The following RGS20 variants were observed in gnomAD, a reference collection of about 807,000 sequenced individuals.
RGS20 encodes the protein regulator of G protein signaling 20, also known as gz-selective GTPase-activating protein.
A neutral mutation model predicts 33.6 loss-of-function variants in RGS20; 30 were observed. The ratio of observed to expected loss-of-function variants is 0.89; its 90% CI spans 0.67 to 1.21. RGS20 has a LOEUF of 1.21. Ranked by LOEUF, RGS20 falls within the 50% of genes most tolerant of loss-of-function variation. The probability of loss-of-function intolerance (pLI) is 0.00; values close to 1 mark genes in which losing one functional copy is unlikely to be tolerated. For missense variants in RGS20, 472 were observed against 502.4 expected (o/e 0.94, Z 0.58); for synonymous variants, 208 against 197.9 (o/e 1.05, Z -0.43).
rs1346709954 is a variant in RGS20 at position 53,881,031 on chromosome 8, G to T, written c.510+1429G>T. ...CGCGGGACGCATGCGCACGGCGGAC[G>T]GAGGCGAGCCGGCCGGGGCTTCCTC... On this transcript the variant is annotated intron_variant, in intron 2 of 5. Transcript: ENST00000297313. 19 of 1,585,324 alleles carry T rather than the reference G, an allele frequency of 1.2e-5. No individual in the cohort carries two copies. The Admixed American group carries it at 2.5e-4, about 21-fold the overall frequency.
chr8:53,867,720 C>CTTCT (rs1222466219), intron 1 of RGS20, among the ~76,000 whole-genome samples: 2 of 135,070 alleles, frequency 1.5e-5, no homozygotes, highest in Non-Finnish European at 3.2e-5. Context: ...TGTTTCTTTC[C>CTTCT]TTCTTTCTTT....
intron 2 of RGS20, among the ~76,000 whole-genome samples, chr8:53,880,505 G>A (rs1485014248): frequency 6.6e-6 from 1 of 152,106 alleles, no homozygotes; most frequent in Non-Finnish European, 1.5e-5. Context: ...GAAGCTCTGG[G>A]GACCAAGCGC....
chr8:53,854,421 A>G (rs1238498620), intron 1 of RGS20, among the ~76,000 whole-genome samples: 2 of 152,208 alleles, frequency 1.3e-5, no homozygotes, highest in African/African-American at 2.4e-5. Flanking sequence ...AAAGACATGA[A>G]CAGCCATTTT....
At chr8:53,864,443 AAAAAAAAAC>A (rs1264958719) in intron 1 of RGS20, among the ~76,000 whole-genome samples, 2 of 151,880 alleles carry the variant, frequency 1.3e-5, no homozygotes, top group African/African-American at 2.4e-5. Context: ...AAAAAAAAAA[AAAAAAAAAC>A]TCAGATACTT....
At chr8:53,862,412 C>T (rs1036920533) in intron 1 of RGS20, among the ~76,000 whole-genome samples, 4 of 152,162 alleles carry the variant, frequency 2.6e-5, no homozygotes, top group African/African-American at 9.7e-5. Context: ...TCCAGCCCCT[C>T]CTCAGAAACC....
chr8:53,922,955 C>T (rs940014104), intron 2 of RGS20, among the ~76,000 whole-genome samples: 2 of 152,150 alleles, frequency 1.3e-5, no homozygotes, highest in Non-Finnish European at 2.9e-5. Context: ...GAAAATGTGC[C>T]TGGCCCTGAG....
In RGS20 at chr8:53,856,259, AG is replaced by A. The variant is rs554215763; in HGVS notation, c.165+4197del. On this transcript the variant is annotated intron_variant, in intron 1 of 5. Coordinates refer to ENST00000297313, the MANE Select transcript of RGS20 (RefSeq NM_170587.4). Reference sequence around the variant, plus strand: ...GAGACTCAGTCTTGCTCTGTTGCCCAGGCTGGAGTGCAGTGGCGTGATCTCA... The same window carrying A: ...GAGACTCAGTCTTGCTCTGTTGCCCAGCTGGAGTGCAGTGGCGTGATCTCA... Among the ~76,000 whole-genome samples, 546 of 147,772 alleles carry A rather than the reference AG, an allele frequency of 3.7e-3. 3 individuals are homozygous for A. The highest frequency in any genetic ancestry group is 4.8e-3 in the Non-Finnish European group (324 of 67,358).
At chr8:53,872,587 C>T (rs1407491687) in intron 1 of RGS20, among the ~76,000 whole-genome samples, 2 of 152,154 alleles carry the variant, frequency 1.3e-5, no homozygotes, top group South Asian at 2.1e-4. Flanking sequence ...GACCCTTCCT[C>T]GTCTGGTTTC....
chr8:53,880,794 G>A (rs1408459606), intron 2 of RGS20, 78 bp from the exon 1 acceptor site: 1 of 1,277,272 alleles, frequency 7.8e-7, no homozygotes, highest in Non-Finnish European at 1.0e-6. Flanking sequence ...CGCGGCGGTG[G>A]AGTGCGCCGC....
At chr8:53,906,452 T>A (rs1424032409) in intron 2 of RGS20, among the ~76,000 whole-genome samples, 1 of 151,998 alleles carries the variant, frequency 6.6e-6, no homozygotes, top group African/African-American at 2.4e-5. Context: ...TGCTGGCAAA[T>A]GTGGTATCTG....
chr8:53,881,135 G>T, intron 2 of RGS20, 51 bp downstream of exon 1: 1 of 1,375,532 alleles, frequency 7.3e-7, no homozygotes, highest in East Asian at 2.6e-5. Context: ...GGCTCGCCCT[G>T]AGGCTTCGTG....
At chr8:53,859,739 C>T (rs1271919209) in intron 1 of RGS20, among the ~76,000 whole-genome samples, 1 of 152,016 alleles carries the variant, frequency 6.6e-6, no homozygotes, top group Non-Finnish European at 1.5e-5. Flanking sequence ...GCTGAGGAGC[C>T]CTCACAATCA....
chr8:53,893,551 C>T (rs116548751), intron 2 of RGS20, among the ~76,000 whole-genome samples: 13 of 152,230 alleles, frequency 8.5e-5, no homozygotes, highest in Non-Finnish European at 1.3e-4. Flanking sequence ...CAGTGACAGC[C>T]GGCTTTGCTC....
At chr8:53,864,259 G>A (rs1050870831) in intron 1 of RGS20, among the ~76,000 whole-genome samples, 8 of 151,340 alleles carry the variant, frequency 5.3e-5, no homozygotes, top group East Asian at 2.0e-4. Context: ...GTGAAACCCC[G>A]TCTCTACAAA....
chr8:53,951,875 G>C (rs897714613), intron 4 of RGS20, among the ~76,000 whole-genome samples: 1 of 151,712 alleles, frequency 6.6e-6, no homozygotes, highest in Admixed American at 6.6e-5. Flanking sequence ...AAATCAGCTG[G>C]GGGTGGTGGC....
intron 1 of RGS20, among the ~76,000 whole-genome samples, chr8:53,852,964 G>T (rs1811599093): frequency 6.6e-6 from 1 of 152,026 alleles, no homozygotes; most frequent in African/African-American, 2.4e-5. Context: ...TCAACACAAA[G>T]CTTTTTCTGT....
intron 2 of RGS20, among the ~76,000 whole-genome samples, chr8:53,906,327 G>A (rs371306577): frequency 7.8e-4 from 118 of 151,938 alleles, no homozygotes; most frequent in African/African-American, 2.8e-3. Flanking sequence ...AGTGAGCCGA[G>A]ACAGCACCCC....
intron 2 of RGS20, among the ~76,000 whole-genome samples, chr8:53,893,436 C>T (rs189975057): frequency 4.3e-4 from 65 of 152,270 alleles, no homozygotes; most frequent in African/African-American, 1.5e-3. Context: ...AGGAGGACAG[C>T]ACTGATGTGT....
chr8:53,924,602 G>T (rs1178623108), intron 2 of RGS20, among the ~76,000 whole-genome samples: 3 of 152,144 alleles, frequency 2.0e-5, no homozygotes, highest in African/African-American at 7.2e-5. Flanking sequence ...GGGATAACAG[G>T]CATGAGCCAC....
Sources: allele counts gnomAD v4.1 joint callset (sites outside exome capture counted in the v4.1 genomes callset), GRCh38; gene constraint gnomAD v4.1.1; transcripts MANE v1.5; gene names NCBI Gene and HGNC (gene_info 2026-07-23, HGNC 2026-07-21).